PAPSS1: variants seen among roughly 807,000 people sequenced by gnomAD.
PAPSS1 encodes the protein bifunctional 3'-phosphoadenosine 5'-phosphosulfate synthase 1.
A neutral mutation model predicts 72.0 loss-of-function variants in PAPSS1; 50 were observed. The ratio of observed to expected loss-of-function variants is 0.69; its 90% CI spans 0.55 to 0.88. The LOEUF (loss-of-function observed/expected upper bound fraction) is 0.88. Ranked by LOEUF, PAPSS1 falls within the 40% of genes least tolerant of loss-of-function variation. The probability of loss-of-function intolerance (pLI) is 0.00; values close to 1 mark genes in which losing one functional copy is unlikely to be tolerated. For missense variants in PAPSS1, 657 were observed against 782.2 expected (o/e 0.84, Z 1.91); for synonymous variants, 261 against 263.6 (o/e 0.99, Z 0.09).
chr4:107,713,222 C>T (rs940980022), intron 1 of PAPSS1, among the ~76,000 whole-genome samples: 2 of 151,942 alleles, frequency 1.3e-5, no homozygotes, highest in African/African-American at 4.8e-5. Context: ...GTGACAAAAG[C>T]CAGATACAAA....
intron 3 of PAPSS1, among the ~76,000 whole-genome samples, chr4:107,691,927 C>CA (rs1016460002): frequency 5.6e-4 from 85 of 151,402 alleles, no homozygotes; most frequent in African/African-American, 1.8e-3. Flanking sequence ...ACAAACCTGA[C>CA]AAAAACAAGC....
At chr4:107,671,806 A>G (rs1315347372) in intron 5 of PAPSS1, among the ~76,000 whole-genome samples, 3 of 152,194 alleles carry the variant, frequency 2.0e-5, no homozygotes, top group Non-Finnish European at 2.9e-5. Flanking sequence ...TAAATGTTAT[A>G]TAAGTATATA....
At chr4:107,671,399 G>A (rs1191954066) in intron 5 of PAPSS1, among the ~76,000 whole-genome samples, 5 of 151,504 alleles carry the variant, frequency 3.3e-5, no homozygotes, top group Non-Finnish European at 5.9e-5. Context: ...TTTAAAGAGA[G>A]AAAGACGGGA....
At chr4:107,708,891 T>G (rs946975892) in intron 1 of PAPSS1, among the ~76,000 whole-genome samples, 4 of 152,262 alleles carry the variant, frequency 2.6e-5, no homozygotes, top group Non-Finnish European at 5.9e-5. Context: ...ACAGACTGTA[T>G]CCACCCTTGT....
chr4:107,654,658 C>T (rs1726945745), intron 8 of PAPSS1, 37 bp downstream of exon 8: 2 of 1,523,340 alleles, frequency 1.3e-6, no homozygotes, highest in South Asian at 2.3e-5. Context: ...ACATCATTGG[C>T]AAATCAAGAT....
chr4:107,707,586 C>A (rs965833952), intron 1 of PAPSS1, among the ~76,000 whole-genome samples: 21 of 152,160 alleles, frequency 1.4e-4, no homozygotes, highest in Admixed American at 1.1e-3. Context: ...CCTCTTCCTC[C>A]CCTAAGCAAA....
intron 11 of PAPSS1, among the ~76,000 whole-genome samples, chr4:107,621,422 G>T (rs1031500771): frequency 1.3e-5 from 2 of 151,840 alleles, no homozygotes; most frequent in Admixed American, 6.6e-5. Flanking sequence ...AAAAAGTATT[G>T]GTGACATAGG....
chr4:107,631,967 G>A, intron 10 of PAPSS1, 107 bp from the exon 11 acceptor site: 2 of 742,518 alleles, frequency 2.7e-6, no homozygotes, highest in South Asian at 2.1e-5. Context: ...ATTATCGGTA[G>A]GAAATCTCAA....
chr4:107,705,252 C>G (rs1338921784), intron 1 of PAPSS1, among the ~76,000 whole-genome samples: 1 of 152,160 alleles, frequency 6.6e-6, no homozygotes, highest in Non-Finnish European at 1.5e-5. Flanking sequence ...GGCTATGTGT[C>G]CCCACACAAA....
intron 6 of PAPSS1, among the ~76,000 whole-genome samples, chr4:107,659,070 G>T (rs1010241603): frequency 3.3e-5 from 5 of 152,162 alleles, no homozygotes; most frequent in African/African-American, 4.8e-5. Context: ...ACTCCATGCA[G>T]TCTGTAAGCA....
chr4:107,672,317 T>A (rs906157656), intron 5 of PAPSS1, among the ~76,000 whole-genome samples: 1 of 152,138 alleles, frequency 6.6e-6, no homozygotes, highest in African/African-American at 2.4e-5. Flanking sequence ...CCTTTTCTAG[T>A]CAAAGAAAGG....
intron 5 of PAPSS1, among the ~76,000 whole-genome samples, chr4:107,665,262 C>A (rs1727286008): frequency 6.6e-6 from 1 of 152,146 alleles, no homozygotes; most frequent in South Asian, 2.1e-4. Context: ...CAGCTTCTAG[C>A]ACATTCCAGT....
chr4:107,662,745 A>G (rs1727217044), intron 5 of PAPSS1, among the ~76,000 whole-genome samples: 1 of 152,032 alleles, frequency 6.6e-6, no homozygotes, highest in Non-Finnish European at 1.5e-5. Context: ...AAACCAAATC[A>G]CCCTGTATCC....
At chr4:107,639,026 T>A (rs1185928480) in intron 10 of PAPSS1, among the ~76,000 whole-genome samples, 3 of 152,098 alleles carry the variant, frequency 2.0e-5, no homozygotes, top group Non-Finnish European at 1.5e-5. Flanking sequence ...GTCAAGGACA[T>A]TTAGGGAGGA....
intron 2 of PAPSS1, 38 bp from the exon 3 acceptor site, chr4:107,694,044 G>C: frequency 7.1e-7 from 1 of 1,405,534 alleles, no homozygotes; most frequent in East Asian, 2.3e-5. Context: ...CATGTGTAAA[G>C]TTAGAAGGAT....
intron 10 of PAPSS1, among the ~76,000 whole-genome samples, chr4:107,634,936 T>C (rs1161779911): frequency 6.6e-6 from 1 of 151,114 alleles, no homozygotes; most frequent in Non-Finnish European, 1.5e-5. Flanking sequence ...TAGCTGGGAC[T>C]ACAGGCGCCC....
At chr4:107,710,463 G>C in intron 1 of PAPSS1, among the ~76,000 whole-genome samples, 1 of 152,154 alleles carries the variant, frequency 6.6e-6, no homozygotes, top group East Asian at 1.9e-4. Flanking sequence ...TTCCTAGAAA[G>C]TAGGTCAAGG....
chr4:107,678,246 T>TAAAAAAAATAAAA (rs3035994), intron 5 of PAPSS1, among the ~76,000 whole-genome samples: 27,656 of 151,212 alleles, frequency 0.18, 2,958 homozygotes, highest in East Asian at 0.37. Context: ...ATAAAAAAAA[T>TAAAAAAAATAAAA]AAGAGATGGA....
rs924553704 is a variant in PAPSS1, at chr4:107,614,345, T to A, written c.1779A>T (p.Lys593Asn). Residue 593 changes from lysine (K) to asparagine (N), a missense_variant, in exon 12 of 12, where the codon AAA (lysine) becomes AAT (asparagine). Lys to Asn is a moderately conservative substitution (Grantham distance 94). Around this residue, in one of 7 missense-constraint regions of PAPSS1, gnomAD observed 103 missense variants for 93.8 expected, o/e 1.10. Coordinates refer to ENST00000265174, the MANE Select transcript of PAPSS1 (RefSeq NM_005443.5). ...GTGGTTTCTGGCCTTCTCGAGCAAGTTTGCGCATTCGTGTTCCTGAAATAA... is the reference window on the plus strand; with the variant it reads ...GTGGTTTCTGGCCTTCTCGAGCAAGATTGCGCATTCGTGTTCCTGAAATAA... The part of the protein sequence containing the change: ...FEFISGTRMR[K>N]LAREGQKPPE... 1.2e-6 allele frequency: 2 copies of A among 1,613,934 alleles called. No homozygotes were observed. The highest frequency in any genetic ancestry group is 1.7e-5 in the Admixed American group (1 of 60,014).
Sources: gnomAD v4.1 joint callset for allele counts (sites outside exome capture counted in the v4.1 genomes callset) on GRCh38, gnomAD v4.1.1 for gene constraint, gnomAD v4.1.1 regional missense constraint, MANE v1.5 for transcripts, NCBI Gene and HGNC (gene_info 2026-07-23, HGNC 2026-07-21) for gene names.